The following KIAA1671 variants were observed in gnomAD, a reference collection of about 807,000 sequenced individuals.
The protein encoded by KIAA1671 is KIAA1671, also known as uncharacterized protein KIAA1671.
Under a neutral mutation model 131.2 loss-of-function variants are expected in KIAA1671, and 52 were observed. The ratio of observed to expected loss-of-function variants is 0.40; its 90% CI spans 0.32 to 0.50. The LOEUF (loss-of-function observed/expected upper bound fraction) is 0.50. KIAA1671 is among the 20% of genes least tolerant of loss of function. The probability of loss-of-function intolerance (pLI) is 0.73; values close to 1 mark genes in which losing one functional copy is unlikely to be tolerated. For synonymous variants in KIAA1671, 1,003 were observed against 961.6 expected (o/e 1.04, Z -0.80); for missense variants, 2,360 against 2,364.2 (o/e 1.00, Z 0.04).
chr22:24,999,104 C>T (rs572303335), intron 1 of KIAA1671, among the ~76,000 whole-genome samples: 1 of 152,228 alleles, frequency 6.6e-6, no homozygotes, highest in Non-Finnish European at 1.5e-5. Context: ...CCAAAATGTT[C>T]GTGCCAATTT....
intron 6 of KIAA1671, among the ~76,000 whole-genome samples, chr22:25,068,731 C>T (rs1405895404): frequency 6.6e-6 from 1 of 152,220 alleles, no homozygotes; most frequent in Non-Finnish European, 1.5e-5. Flanking sequence ...CCACCGTGCC[C>T]AGCCCACCCT....
intron 1 of KIAA1671, chr22:25,010,985 G>A (rs867867587): frequency 6.6e-6 from 1 of 152,062 alleles, no homozygotes; most frequent in Non-Finnish European, 1.5e-5. Flanking sequence ...CATCTGCCTG[G>A]ATTTTTTTTG....
intron 1 of KIAA1671, among the ~76,000 whole-genome samples, chr22:24,998,588 G>A (rs111963298): frequency 0.14 from 20,908 of 151,448 alleles, 1,843 homozygotes; most frequent in Middle Eastern, 0.25. Context: ...GCGTAGTGGC[G>A]GGGCCTGTAG....
At chr22:25,060,943 G>A (rs540702097) in intron 6 of KIAA1671, 6 of 152,196 alleles carry the variant, frequency 3.9e-5, no homozygotes, top group South Asian at 4.2e-4. Flanking sequence ...CACTAATTTC[G>A]GTAGATGTGT....
chr22:25,100,737 C>A (rs984590913), intron 6 of KIAA1671, among the ~76,000 whole-genome samples: 1 of 152,358 alleles, frequency 6.6e-6, no homozygotes, highest in Non-Finnish European at 1.5e-5. Flanking sequence ...ATGCTTACTA[C>A]AAACCCCAAG....
intron 1 of KIAA1671, among the ~76,000 whole-genome samples, chr22:25,017,400 G>T (rs1925388183): frequency 6.6e-6 from 1 of 152,006 alleles, no homozygotes; most frequent in Non-Finnish European, 1.5e-5. Flanking sequence ...CAAAAAAAGG[G>T]GGTGGTAACT....
intron 6 of KIAA1671, chr22:25,052,468 C>A (rs370510802): frequency 6.6e-6 from 1 of 152,224 alleles, no homozygotes; most frequent in African/African-American, 2.4e-5. Flanking sequence ...CTAACACTTA[C>A]TATCGTTACA....
At chr22:24,989,476 A>G (rs988053158) in intron 1 of KIAA1671, among the ~76,000 whole-genome samples, 4 of 152,084 alleles carry the variant, frequency 2.6e-5, no homozygotes, top group African/African-American at 9.7e-5. Flanking sequence ...TATCGCCTTC[A>G]TAGCCCTGGT....
chr22:25,097,608 C>T (rs956830613), intron 6 of KIAA1671, among the ~76,000 whole-genome samples: 22 of 151,922 alleles, frequency 1.4e-4, no homozygotes, highest in African/African-American at 5.1e-4. Flanking sequence ...GGTGTGATGG[C>T]GGGTGCCTGT....
chr22:25,137,873 G>A (rs1317367982), intron 6 of KIAA1671, among the ~76,000 whole-genome samples: 1 of 152,220 alleles, frequency 6.6e-6, no homozygotes, highest in African/African-American at 2.4e-5. Context: ...GAGAGGTTAA[G>A]TGACTTAGGC....
intron 6 of KIAA1671, among the ~76,000 whole-genome samples, chr22:25,121,614 T>G (rs1233728947): frequency 6.6e-6 from 1 of 152,174 alleles, no homozygotes; most frequent in Non-Finnish European, 1.5e-5. Context: ...CGCAATTTGG[T>G]GGTATAAATA....
At chr22:25,066,816 T>G (rs1602111924) in intron 6 of KIAA1671, among the ~76,000 whole-genome samples, 1 of 147,738 alleles carries the variant, frequency 6.8e-6, no homozygotes, top group Non-Finnish European at 1.5e-5. Context: ...TGGTGGGAGG[T>G]GCACAGGGGC....
intron 6 of KIAA1671, among the ~76,000 whole-genome samples, chr22:25,084,457 C>CAAAAAA (rs36090380): frequency 0.047 from 6,009 of 128,148 alleles, 203 homozygotes; most frequent in Non-Finnish European, 0.069. Flanking sequence ...GACTCTATCT[C>CAAAAAA]AAAAAAAAAA....
chr22:25,055,737 T>C (rs2145828249), intron 6 of KIAA1671: 1 of 149,900 alleles, frequency 6.7e-6, no homozygotes, highest in African/African-American at 2.4e-5. Context: ...AATCAGATTG[T>C]TTTTTCTTTG....
intron 6 of KIAA1671, among the ~76,000 whole-genome samples, chr22:25,151,113 C>A (rs958406257): frequency 6.6e-6 from 1 of 151,730 alleles, no homozygotes; most frequent in Non-Finnish European, 1.5e-5. Flanking sequence ...GGATTACAGG[C>A]GTGAGCCACT....
At chr22:24,953,024 GT>G (rs1921491051) in intron 1 of KIAA1671, among the ~76,000 whole-genome samples, 1 of 152,212 alleles carries the variant, frequency 6.6e-6, no homozygotes, top group Admixed American at 6.5e-5. Flanking sequence ...AGACTTGAGA[GT>G]GGATCCCGCG....
At chr22:25,138,689 C>T (rs898881018) in intron 6 of KIAA1671, among the ~76,000 whole-genome samples, 2 of 152,136 alleles carry the variant, frequency 1.3e-5, no homozygotes, top group Non-Finnish European at 2.9e-5. Context: ...TGGACTGGAA[C>T]CTGTGATGTG....
intron 11 of KIAA1671, among the ~76,000 whole-genome samples, chr22:25,189,408 C>T (rs1442895599): frequency 1.3e-5 from 2 of 151,952 alleles, no homozygotes; most frequent in Non-Finnish European, 2.9e-5. Context: ...CTCCTGACCT[C>T]GTGATCCGCC....
At chr22:25,147,555 CT>C (rs1932907268) in intron 6 of KIAA1671, among the ~76,000 whole-genome samples, 1 of 152,190 alleles carries the variant, frequency 6.6e-6, no homozygotes, top group Non-Finnish European at 1.5e-5. Context: ...TGCCCTCCCC[CT>C]GGGATGCCTT....
Sources: gnomAD v4.1 joint callset for allele counts (sites outside exome capture counted in the v4.1 genomes callset) on GRCh38, gnomAD v4.1.1 for gene constraint, MANE v1.5 for transcripts, NCBI Gene and HGNC (gene_info 2026-07-23, HGNC 2026-07-21) for gene names.